Variants in RNF213 observed in about 807,000 individuals in gnomAD.
The protein encoded by RNF213 is ring finger protein 213.
Under a neutral mutation model 514.4 loss-of-function variants are expected in RNF213, and 341 were observed. The ratio of observed to expected loss-of-function variants is 0.66; its 90% CI spans 0.61 to 0.73. The LOEUF is 0.73. Among genes scored for constraint, RNF213 ranks in the 30% least tolerant of loss-of-function variants. The pLI is 0.00. For missense variants in RNF213, 5,767 were observed against 6,615.6 expected, an observed-to-expected ratio of 0.87 and a Z score of 4.45; for synonymous variants, 2,655 against 2,658.2, an observed-to-expected ratio of 1.00 and a Z score of 0.04.
In RNF213 at chr17:80,345,535, G is replaced by A; in HGVS notation, c.7200G>A (p.Met2400Ile). The A allele has an allele frequency of 6.2e-7, 1 of 1,613,236 alleles. No individual in the cohort carries two copies. Among genetic ancestry groups the A allele is most frequent in the Non-Finnish European group, 8.5e-7 (1 of 1,179,208 alleles). The change falls in exon 29 of 68, where the codon ATG becomes ATA. Residue 2400 changes from methionine (M) to isoleucine (I), a missense_variant. This residue lies in a region of RNF213 where 1,377 missense variants were observed against 1,635.2 expected (regional missense o/e 0.84). Transcript: ENST00000582970. This position sits in a 1 kb window ranked among gnomAD's most constrained non-coding sequence, Gnocchi z 6.0. ...DKTYELTTDN[M>I]LKILAIEMRF... ...CGTATGAGCTCACAACCGACAATAT[G>A]CTTAAAATCCTTGCCATCGAGATGC...
rs1027779671 is a variant in RNF213 at position 80,356,255 on chromosome 17, G to A, written c.10862+1679G>A. On this transcript the variant is annotated intron_variant, in intron 36 of 67. Transcript: ENST00000582970. ...GACCTCAGGTGATCCACTCGCCTCA[G>A]CCTCCCGAAGTGCTGGGATTCCAGG... 2.6e-5 allele frequency among the ~76,000 whole-genome samples: 4 copies of A among 152,322 alleles called. No individual in the cohort carries two copies. The East Asian group carries it at 7.7e-4, about 29-fold the overall frequency.
rs569959554 is a variant in RNF213 at position 80,342,681 on chromosome 17, C to T, written c.5990-451C>T. ...TATATAATATATATTCTATATACTT[C>T]CATATATACTATATATATTCTATAT... is the stretch of plus-strand genomic sequence containing the variant. On this transcript the variant is annotated intron_variant, in intron 26 of 67. Coordinates refer to ENST00000582970, the MANE Select transcript of RNF213 (RefSeq NM_001256071.3). 7.6e-5 allele frequency among the ~76,000 whole-genome samples: 11 copies of T among 143,834 alleles called. No individual in the cohort carries two copies. In the South Asian group the frequency reaches 2.4e-3, roughly 31 times the overall value. 94.4% of individuals were successfully genotyped at this position (143,834 alleles called of 152,430 possible).
chr17:80,342,593 A>T (rs2078185616), intron 26 of RNF213, among the ~76,000 whole-genome samples: 1 of 148,632 alleles, frequency 6.7e-6, no homozygotes, highest in Non-Finnish European at 1.5e-5. Context: ...GTATATACAT[A>T]CACTATATAT....
intron 18 of RNF213, 112 bp downstream of exon 18, chr17:80,325,310 G>A: frequency 9.0e-7 from 1 of 1,113,958 alleles, no homozygotes; most frequent in Non-Finnish European, 1.2e-6. Context: ...GGGATGGGCT[G>A]ATGTTTGACA....
rs79899846 is a variant in RNF213 at position 80,355,506 on chromosome 17, C to T, written c.10862+930C>T. 3.3e-3 allele frequency among the ~76,000 whole-genome samples: 61 copies of T among 18,426 alleles called. No homozygotes were observed. Among genetic ancestry groups the T allele is most frequent in the South Asian group, 7.4e-3 (3 of 406 alleles). 12.1% of individuals were successfully genotyped at this position (18,426 alleles called of 152,430 possible). A position where few individuals can be genotyped will look rare whatever the true frequency, so the allele number is the denominator to read the frequency against. The stretch of plus-strand genomic sequence containing the variant: ...CTCACAGAGGAAGAAGCGGGGTGAC[C>T]GGGAATGGGGGCTTACAGGGGGAAG... On this transcript the variant is annotated intron_variant, in intron 36 of 67. Transcript: ENST00000582970.
In RNF213 at chr17:80,263,227, C is replaced by A. The variant is rs577672022; in HGVS notation, c.-108-347C>A. Among the ~76,000 whole-genome samples the A allele has an allele frequency of 6.6e-6, 1 of 152,292 alleles. No individual in the cohort carries two copies. Among genetic ancestry groups the A allele is most frequent in the South Asian group, 2.1e-4 (1 of 4,826 alleles). On this transcript the variant is annotated intron_variant, in intron 1 of 67. Transcript: ENST00000582970. This position sits in a 1 kb window ranked among gnomAD's most constrained non-coding sequence, Gnocchi z 4.9. ...AGTAGCCCTGGGCTGCCTGCTCAGGCCCCATCACCTGTGGGGCAGGTGCTT... is the reference window on the plus strand; with the variant it reads ...AGTAGCCCTGGGCTGCCTGCTCAGGACCCATCACCTGTGGGGCAGGTGCTT...
At chr17:80,386,937 T>G (rs1197093273) in intron 63 of RNF213, 46 bp downstream of exon 63, 49 of 1,546,932 alleles carry the variant, frequency 3.2e-5, no homozygotes, top group Non-Finnish European at 4.3e-5. Flanking sequence ...GTGTCTGTTG[T>G]GAACAAGCAG....
rs1050560423 is a variant in RNF213 at position 80,391,702 on chromosome 17, G to C, written c.15470+1506G>C. On this transcript the variant is annotated intron_variant, in intron 67 of 67. Coordinates refer to ENST00000582970, the MANE Select transcript of RNF213 (RefSeq NM_001256071.3). ...AAATCTGACAGAATTTTCCTATAAA[G>C]GGTCTCTATACAAAAACACTTACTA... Among the ~76,000 whole-genome samples the C allele has an allele frequency of 2.0e-5, 3 of 151,148 alleles. No individual in the cohort carries two copies. In the South Asian group the frequency reaches 6.3e-4, roughly 32 times the overall value.
rs771039919 is a variant in RNF213 at position 80,272,949 on chromosome 17, TAC to T, written c.98-290_98-289del. Among the ~76,000 whole-genome samples, 236 of 152,210 alleles carry T rather than the reference TAC, an allele frequency of 1.6e-3. 1 individual carries two copies. The highest frequency in any genetic ancestry group is 2.9e-3 in the Non-Finnish European group (199 of 67,992). On this transcript the variant is annotated intron_variant, in intron 2 of 67. Coordinates refer to ENST00000582970, the MANE Select transcript of RNF213 (RefSeq NM_001256071.3). ...TGCCCGAGGTGCGCTGACATCCTAG[TAC>T]AGAGTCAGGTGAATCCACTCGTGGA...
rs1271343561 is a variant in RNF213 at position 80,383,064 on chromosome 17, A to G, written c.14064A>G (p.Glu4688=). ...AAATCGCAGCTGTGATTTCTCCTGA[A>G]CTGGAGGTAAGCAGTAAGTGCTGAC... ...EKEIAAVISP[E]LEHLDKTLPT... Residue 4688 remains glutamate (E), a synonymous_variant, in exon 58 of 68, where the codon GAA becomes GAG. Transcript: ENST00000582970. 2.5e-6 allele frequency: 4 copies of G among 1,611,632 alleles called. No individual in the cohort carries two copies. Among genetic ancestry groups the G allele is most frequent in the Middle Eastern group, 1.7e-4 (1 of 6,044 alleles).
intron 3 of RNF213, among the ~76,000 whole-genome samples, chr17:80,275,478 A>C (rs1033912475): frequency 6.6e-6 from 1 of 151,956 alleles, no homozygotes; most frequent in African/African-American, 2.4e-5. Flanking sequence ...TGGGGGAATA[A>C]AATTTTGAAA....
In RNF213 at chr17:80,377,833, GC is replaced by G; in HGVS notation, c.13545+38del. The stretch of plus-strand genomic sequence containing the variant: ...TATTTAAGATAGGGTTTGAGGGGTG[GC>G]GTGCACTCCTGGGTTGGAGGAGGGG... On this transcript the variant is annotated intron_variant, in intron 54 of 67. Transcript: ENST00000582970. This position sits in a 1 kb window ranked among gnomAD's most constrained non-coding sequence, Gnocchi z 4.1. The G allele has an allele frequency of 1.2e-6, 2 of 1,611,964 alleles. No homozygotes were observed. The highest frequency in any genetic ancestry group is 4.5e-5 in the East Asian group (2 of 44,868).
intron 60 of RNF213, 27 bp downstream of exon 60, chr17:80,385,198 G>C: frequency 6.2e-7 from 1 of 1,613,790 alleles, no homozygotes; most frequent in Non-Finnish European, 8.5e-7. Context: ...ACAGGACCAG[G>C]ACTGTCCCGC....
chr17:80,300,461 C>CTTCA (rs929992624), intron 11 of RNF213, among the ~76,000 whole-genome samples: 5 of 152,138 alleles, frequency 3.3e-5, no homozygotes, highest in African/African-American at 1.2e-4. Flanking sequence ...CCAGGCTGTT[C>CTTCA]TTCAACTCCT....
chr17:80,367,649 C>A, intron 42 of RNF213, 99 bp from the exon 43 acceptor site: 1 of 872,622 alleles, frequency 1.1e-6, no homozygotes, highest in Non-Finnish European at 1.9e-6. Context: ...ACACACACGG[C>A]GCAGCCTTGG....
chr17:80,309,014 G>T lies in RNF213; in HGVS notation c.2502-4G>T, dbSNP rs1429945750. On this transcript the variant is annotated splice_region_variant and splice_polypyrimidine_tract_variant and intron_variant, in intron 13 of 67. Transcript: ENST00000582970. ...GGGATTTCTCTTAACTCTTTGCGGG[G>T]CAGGATTCCCGAGGAGGCCTTGTCA... 2.5e-6 allele frequency: 4 copies of T among 1,613,724 alleles called. No homozygotes were observed. The South Asian group carries it at 4.4e-5, about 18-fold the overall frequency.
intron 2 of RNF213, among the ~76,000 whole-genome samples, chr17:80,272,290 A>G (rs75757378): frequency 0.021 from 3,208 of 152,300 alleles, 119 homozygotes; most frequent in African/African-American, 0.072. Flanking sequence ...TCTCAAAAAA[A>G]ATAATAAAAT....
Position 80,325,170 on chromosome 17 carries a change from A to G in RNF213, c.3165A>G (p.Ala1055=), listed in dbSNP as rs1356265055. The change falls in exon 18 of 68, where the codon GCA becomes GCG. Residue 1055 remains alanine, a synonymous_variant. Coordinates refer to ENST00000582970, the MANE Select transcript of RNF213 (RefSeq NM_001256071.3). ...DDILKHLLTL[A]DVKHVFRLCG... ...TTTTAAAGCATCTGCTCACGTTGGC[A>G]GATGTCAAGCACGTCTTCAGATTGT... is the stretch of plus-strand genomic sequence containing the variant. The G allele has an allele frequency of 3.3e-6, 5 of 1,535,564 alleles. No individual in the cohort carries two copies. Among genetic ancestry groups the G allele is most frequent in the Non-Finnish European group, 4.4e-6 (5 of 1,145,614 alleles).
At chr17:80,351,308 C>T (rs1241805368) in intron 31 of RNF213, among the ~76,000 whole-genome samples, 2 of 152,178 alleles carry the variant, frequency 1.3e-5, no homozygotes, top group Non-Finnish European at 2.9e-5. Context: ...CACAGCAAGA[C>T]CCCCATCGCT....
Sources: gnomAD v4.1 joint callset for allele counts (sites outside exome capture counted in the v4.1 genomes callset) on GRCh38, gnomAD v4.1.1 for gene constraint, gnomAD v4.1.1 regional missense constraint, Gnocchi (gnomAD v3.1) non-coding constraint, MANE v1.5 for transcripts, NCBI Gene and HGNC (gene_info 2026-07-23, HGNC 2026-07-21) for gene names.